PPM1A: variants seen among roughly 807,000 people sequenced by gnomAD.
PPM1A encodes the protein protein phosphatase 1A.
PPM1A carries 7 observed loss-of-function variants against 35.0 expected under a neutral mutation model. The observed-to-expected ratio is 0.20, with a 90% CI of 0.11 to 0.38. The LOEUF is 0.38. PPM1A is among the 10% of genes least tolerant of loss of function. The probability of loss-of-function intolerance (pLI) is 1.00; values close to 1 mark genes in which losing one functional copy is unlikely to be tolerated. For missense variants in PPM1A, 239 were observed against 467.8 expected, an observed-to-expected ratio of 0.51 and a Z score of 4.51; for synonymous variants, 153 against 167.3, an observed-to-expected ratio of 0.91 and a Z score of 0.66.
At chr14:60,288,400 A>G (rs1460935665) in intron 3 of PPM1A, 2 of 984,216 alleles carry the variant, frequency 2.0e-6, no homozygotes, top group Non-Finnish European at 2.4e-6. Flanking sequence ...CGGAGACTGT[A>G]TGTTAAGTGT....
Position 60,295,815 on chromosome 14 carries a change from A to G in PPM1A, c.*3333A>G, listed in dbSNP as rs1888019086. The G allele has an allele frequency of 6.6e-6, 1 of 151,688 alleles. No individual in the cohort carries two copies. The highest frequency in any genetic ancestry group is 1.5e-5 in the Non-Finnish European group (1 of 67,700). The allele number at this position is 151,688 out of a possible 1,614,324, so 9.4% of individuals were successfully genotyped here. Reference sequence around the variant, plus strand: ...TATCTACCAGGTACTTAGCTGATCAAGGCAGGCCCCTGCCCTAAAGACCTT... The same window carrying G: ...TATCTACCAGGTACTTAGCTGATCAGGGCAGGCCCCTGCCCTAAAGACCTT... On this transcript the variant is annotated 3_prime_UTR_variant, in exon 6 of 6. Transcript: ENST00000395076.
intron 2 of PPM1A, among the ~76,000 whole-genome samples, chr14:60,284,855 T>G (rs948534788): frequency 2.0e-5 from 3 of 151,780 alleles, no homozygotes; most frequent in Non-Finnish European, 4.4e-5. Context: ...GGCCCTTGAC[T>G]TGGGTTCAGT....
chr14:60,256,296 G>T (rs1883128939), intron 1 of PPM1A, among the ~76,000 whole-genome samples: 1 of 151,876 alleles, frequency 6.6e-6, no homozygotes, highest in South Asian at 2.1e-4. Flanking sequence ...GCACGGGCAT[G>T]GTGGCCACCC....
intron 1 of PPM1A, among the ~76,000 whole-genome samples, chr14:60,266,222 T>C (rs1311775756): frequency 1.3e-5 from 2 of 152,200 alleles, no homozygotes; most frequent in Non-Finnish European, 2.9e-5. Context: ...CCCATTTCTT[T>C]TCCTTTAAGG....
Position 60,292,316 on chromosome 14 carries a change from T to TA in PPM1A, c.1120-136dup. 1 of 619,254 alleles carries TA rather than the reference T, an allele frequency of 1.6e-6. No individual in the cohort carries two copies. The highest frequency in any genetic ancestry group is 1.8e-5 in the African/African-American group (1 of 54,252). The allele number at this position is 619,254 out of a possible 1,614,324, so 38.4% of individuals were successfully genotyped here. A position where few individuals can be genotyped will look rare whatever the true frequency, so the allele number is the denominator to read the frequency against. On this transcript the variant is annotated intron_variant, in intron 5 of 5. Transcript: ENST00000395076. This position sits in a 1 kb window ranked among gnomAD's most constrained non-coding sequence, Gnocchi z 4.2. Reference sequence around the variant, plus strand: ...TATTTCATATGTACACATATATACTTATATACTTTAAAAAACATTTATATT... The same window carrying TA: ...TATTTCATATGTACACATATATACTTAATATACTTTAAAAAACATTTATATT...
At chr14:60,279,823 G>A (rs550198255) in intron 1 of PPM1A, among the ~76,000 whole-genome samples, 28 of 152,108 alleles carry the variant, frequency 1.8e-4, no homozygotes, top group African/African-American at 5.3e-4. Context: ...CAGAGCTGGC[G>A]GCAAGGAGGA....
chr14:60,256,839 C>G (rs1379626942), intron 1 of PPM1A: 1 of 152,174 alleles, frequency 6.6e-6, no homozygotes, highest in Non-Finnish European at 1.5e-5. Flanking sequence ...ATTTGTTGAT[C>G]CATGCGGTTT....
chr14:60,286,927 A>G (rs1039703506), intron 3 of PPM1A: 5 of 910,834 alleles, frequency 5.5e-6, no homozygotes, highest in African/African-American at 5.4e-5. Flanking sequence ...TAAATTAATC[A>G]TTCAATATAA....
At chr14:60,288,287 T>C (rs1887251052) in intron 3 of PPM1A, 3 of 961,834 alleles carry the variant, frequency 3.1e-6, no homozygotes, top group South Asian at 9.6e-5. Flanking sequence ...ATATAGATGA[T>C]TCAAGGTAAT....
At chr14:60,261,796 T>C (rs981018259) in intron 1 of PPM1A, among the ~76,000 whole-genome samples, 1 of 152,196 alleles carries the variant, frequency 6.6e-6, no homozygotes, top group Non-Finnish European at 1.5e-5. Flanking sequence ...GCCTTTCTGA[T>C]TAGATCAGAA....
At position 60,251,039 on chromosome 14, in the gene PPM1A, C is replaced by G. The variant is rs182329061; in HGVS notation, c.-21+1362C>G. 3.9e-5 allele frequency among the ~76,000 whole-genome samples: 6 copies of G among 152,298 alleles called. No homozygotes were observed. The East Asian group carries it at 1.2e-3, about 29-fold the overall frequency. On this transcript the variant is annotated intron_variant, in intron 1 of 5. Transcript: ENST00000395076. ...TTTTACTGACTTAATGCTTTCTTTA[C>G]CAATAAATAATTTGAAGCACAAAGT...
At position 60,292,203 on chromosome 14, in the gene PPM1A, TTGG is replaced by T. The variant is rs1887701009; in HGVS notation, c.1120-249_1120-247del. Among the ~76,000 whole-genome samples, 1 of 152,156 alleles carries T rather than the reference TTGG, an allele frequency of 6.6e-6. No individual in the cohort carries two copies. Among genetic ancestry groups the T allele is most frequent in the Non-Finnish European group, 1.5e-5 (1 of 68,006 alleles). On this transcript the variant is annotated intron_variant, in intron 5 of 5. Coordinates refer to ENST00000395076, the MANE Select transcript of PPM1A (RefSeq NM_021003.5). The surrounding 1 kb of genome is among the most constrained non-coding windows in gnomAD (Gnocchi z 4.2). ...TAGATTTATTGATTGAGTAATACATTTGGACAGCCTCATCATAAAACCGCATTT... is the reference window on the plus strand; with the variant it reads ...TAGATTTATTGATTGAGTAATACATTACAGCCTCATCATAAAACCGCATTT...
intron 1 of PPM1A, among the ~76,000 whole-genome samples, chr14:60,266,195 C>T (rs1884363780): frequency 6.6e-6 from 1 of 152,028 alleles, no homozygotes; most frequent in Non-Finnish European, 1.5e-5. Context: ...TATTTAATTG[C>T]CTGTTCACAT....
intron 3 of PPM1A, 142 bp downstream of exon 3, chr14:60,285,883 T>C: frequency 4.2e-6 from 6 of 1,431,488 alleles, no homozygotes; most frequent in Non-Finnish European, 5.5e-6. Context: ...GACATTTCTG[T>C]AGTAGCTGTT....
intron 1 of PPM1A, among the ~76,000 whole-genome samples, chr14:60,272,433 G>A (rs1043711221): frequency 2.6e-5 from 4 of 152,138 alleles, no homozygotes; most frequent in Admixed American, 2.0e-4. Context: ...GGAGGCTGGT[G>A]TGGTGGCTCA....
Position 60,283,585 on chromosome 14 carries a change from A to G in PPM1A, c.834+48A>G. The G allele has an allele frequency of 6.6e-7, 1 of 1,525,350 alleles. No individual in the cohort carries two copies. Among genetic ancestry groups the G allele is most frequent in the Non-Finnish European group, 8.8e-7 (1 of 1,134,408 alleles). The allele number at this position is 1,525,350 out of a possible 1,614,324, so 94.5% of individuals were successfully genotyped here. Reference sequence around the variant, plus strand: ...CATAAAATGATTTTATGCCATATTAATCACTACTCTAGTATTTAATCATCT... The same window carrying G: ...CATAAAATGATTTTATGCCATATTAGTCACTACTCTAGTATTTAATCATCT... On this transcript the variant is annotated intron_variant, in intron 2 of 5. Transcript: ENST00000395076. The surrounding 1 kb of genome is among the most constrained non-coding windows in gnomAD (Gnocchi z 6.3).
intron 1 of PPM1A, among the ~76,000 whole-genome samples, chr14:60,258,799 T>C (rs551808331): frequency 1.3e-5 from 2 of 152,108 alleles, no homozygotes; most frequent in Non-Finnish European, 2.9e-5. Flanking sequence ...ATCTGTCTCA[T>C]GTATTCGTCA....
chr14:60,265,105 C>G (rs1245243782), intron 1 of PPM1A, among the ~76,000 whole-genome samples: 1 of 152,180 alleles, frequency 6.6e-6, no homozygotes, highest in Non-Finnish European at 1.5e-5. Context: ...ACCTACATCT[C>G]TGTCTAAAAC....
chr14:60,249,836 C>G lies in PPM1A; in HGVS notation c.-21+159C>G, dbSNP rs1445083698. 1.3e-5 allele frequency among the ~76,000 whole-genome samples: 2 copies of G among 151,320 alleles called. No individual in the cohort carries two copies. The highest frequency in any genetic ancestry group is 6.6e-5 in the Admixed American group (1 of 15,220). On this transcript the variant is annotated intron_variant, in intron 1 of 5. Coordinates refer to ENST00000395076, the MANE Select transcript of PPM1A (RefSeq NM_021003.5). This position sits in a 1 kb window ranked among gnomAD's most constrained non-coding sequence, Gnocchi z 4.5. ...TCCACCCCCTGGCCGGCCTCCTCCC[C>G]CGAGCCGGGCGGCGGACGGCGAGGG... is the stretch of plus-strand genomic sequence containing the variant.
Sources: gnomAD v4.1 joint callset for allele counts (sites outside exome capture counted in the v4.1 genomes callset) on GRCh38, gnomAD v4.1.1 for gene constraint, Gnocchi (gnomAD v3.1) non-coding constraint, MANE v1.5 for transcripts, NCBI Gene and HGNC (gene_info 2026-07-23, HGNC 2026-07-21) for gene names.